The following CCDC171 variants were observed in gnomAD, a reference collection of about 807,000 sequenced individuals.
CCDC171 encodes the protein coiled-coil domain-containing protein 171.
Under a neutral mutation model 168.2 loss-of-function variants are expected in CCDC171, and 177 were observed. The ratio of observed to expected loss-of-function variants is 1.05; its 90% CI spans 0.93 to 1.19. CCDC171 has a LOEUF of 1.19. Ranked by LOEUF, CCDC171 falls within the 50% of genes most tolerant of loss-of-function variation. The pLI, the probability that CCDC171 is intolerant of heterozygous loss-of-function variation, is 0.00. For missense variants in CCDC171, 1,991 were observed against 1,539.0 expected (o/e 1.29, Z -4.91); for synonymous variants, 687 against 540.8 (o/e 1.27, Z -3.75).
intron 14 of CCDC171, among the ~76,000 whole-genome samples, chr9:15,727,344 G>A (rs573589370): frequency 6.6e-6 from 1 of 152,200 alleles, no homozygotes; most frequent in African/African-American, 2.4e-5. Context: ...TCTGGAGGAA[G>A]AAGAAAGCTG....
At chr9:15,734,321 G>C (rs1054993590) in intron 16 of CCDC171, among the ~76,000 whole-genome samples, 1 of 152,058 alleles carries the variant, frequency 6.6e-6, no homozygotes, top group Non-Finnish European at 1.5e-5. Flanking sequence ...GGATCACCTT[G>C]AGGTCAGAAG....
chr9:15,887,883 A>T (rs1401041089), intron 24 of CCDC171: 1 of 152,122 alleles, frequency 6.6e-6, no homozygotes, highest in African/African-American at 2.4e-5. Context: ...AACTCTTACA[A>T]CCTGCTTTCT....
chr9:15,590,836 CTTCT>C (rs1385192472), intron 4 of CCDC171, among the ~76,000 whole-genome samples: 4 of 32,564 alleles, frequency 1.2e-4, no homozygotes, highest in African/African-American at 3.0e-4. Context: ...TTTCTTTCTT[CTTCT>C]TTCTTTCTTT....
intron 7 of CCDC171, among the ~76,000 whole-genome samples, chr9:15,623,671 G>A (rs1304764539): frequency 6.6e-6 from 1 of 151,964 alleles, no homozygotes; most frequent in Non-Finnish European, 1.5e-5. Context: ...GTTCACTTTT[G>A]AACAATTAAC....
At chr9:16,076,607 A>T in the CCDC171 span, among the ~76,000 whole-genome samples, 1 of 152,146 alleles carries the variant, frequency 6.6e-6, no homozygotes, top group African/African-American at 2.4e-5. Flanking sequence ...CGCCCCACTC[A>T]GCCCTTCCCT....
chr9:15,767,068 C>T (rs1011833285), intron 18 of CCDC171, among the ~76,000 whole-genome samples: 10 of 152,092 alleles, frequency 6.6e-5, no homozygotes, highest in African/African-American at 1.9e-4. Context: ...AAATACATGA[C>T]GAAAGTTTTT....
At chr9:15,608,047 G>T (rs2043350471) in intron 6 of CCDC171, among the ~76,000 whole-genome samples, 1 of 152,196 alleles carries the variant, frequency 6.6e-6, no homozygotes, top group Non-Finnish European at 1.5e-5. Flanking sequence ...AGGCTGCACA[G>T]GGCATTGCAT....
chr9:15,647,102 C>G (rs942610559), intron 7 of CCDC171, among the ~76,000 whole-genome samples: 7 of 152,168 alleles, frequency 4.6e-5, no homozygotes, highest in African/African-American at 7.2e-5. Flanking sequence ...GAAACTCACT[C>G]AAAACCGCTC....
chr9:15,656,317 G>T (rs200735553), intron 7 of CCDC171, among the ~76,000 whole-genome samples: 1 of 145,042 alleles, frequency 6.9e-6, no homozygotes. Flanking sequence ...GCGAGACTCC[G>T]TCTCAAAAAA....
intron 21 of CCDC171, among the ~76,000 whole-genome samples, chr9:15,787,367 G>A (rs2058019374): frequency 6.6e-6 from 1 of 151,716 alleles, no homozygotes; most frequent in Non-Finnish European, 1.5e-5. Flanking sequence ...ATTAACATTT[G>A]CCCATCCCCA....
chr9:16,046,491 T>C (rs10738428), intron 1 of CCDC171, among the ~76,000 whole-genome samples: 62,355 of 152,078 alleles, frequency 0.41, 14,325 homozygotes, highest in East Asian at 0.74. Flanking sequence ...GGACATATTT[T>C]TCCCTCAACT....
intron 25 of CCDC171, among the ~76,000 whole-genome samples, chr9:15,957,678 AT>A (rs976691596): frequency 6.6e-6 from 1 of 152,216 alleles, no homozygotes; most frequent in African/African-American, 2.4e-5. Flanking sequence ...TTATAACAGA[AT>A]CTCTTTCTCA....
chr9:15,737,460 C>T (rs1341432069), intron 16 of CCDC171, among the ~76,000 whole-genome samples: 2 of 152,066 alleles, frequency 1.3e-5, no homozygotes, highest in African/African-American at 4.8e-5. Context: ...GATCTGAAAG[C>T]ACAGAAAGAA....
At chr9:16,055,311 G>A (rs1443312309) in intron 1 of CCDC171, among the ~76,000 whole-genome samples, 1 of 152,134 alleles carries the variant, frequency 6.6e-6, no homozygotes, top group Admixed American at 6.5e-5. Context: ...TTCAGAGAGA[G>A]TTCAGGAGGC....
chr9:15,864,055 A>G (rs1350974044), intron 23 of CCDC171, among the ~76,000 whole-genome samples: 2 of 152,054 alleles, frequency 1.3e-5, no homozygotes, highest in Non-Finnish European at 1.5e-5. Context: ...AGTTCCTTAA[A>G]TACTGAGATT....
At chr9:15,728,916 A>G (rs763738160) in intron 15 of CCDC171, among the ~76,000 whole-genome samples, 1 of 152,142 alleles carries the variant, frequency 6.6e-6, no homozygotes, top group Non-Finnish European at 1.5e-5. Flanking sequence ...GATATTTTTT[A>G]TTATTGAGCA....
intron 11 of CCDC171, among the ~76,000 whole-genome samples, chr9:15,714,500 A>G (rs991434841): frequency 4.6e-5 from 7 of 152,188 alleles, no homozygotes; most frequent in African/African-American, 1.7e-4. Flanking sequence ...TACCCTGACT[A>G]CAGAAACCAC....
At chr9:16,011,840 C>G (rs576111107) in intron 3 of CCDC171, among the ~76,000 whole-genome samples, 37 of 152,292 alleles carry the variant, frequency 2.4e-4, no homozygotes, top group Non-Finnish European at 3.8e-4. Flanking sequence ...TGTTTCCTTT[C>G]TCTGAGGGTT....
At chr9:15,678,025 T>G (rs1457050390) in intron 9 of CCDC171, among the ~76,000 whole-genome samples, 1 of 148,574 alleles carries the variant, frequency 6.7e-6, no homozygotes, top group Non-Finnish European at 1.5e-5. Context: ...TCCTCCTGCC[T>G]CAGCCTCCTG....
Sources: gnomAD v4.1 joint callset for allele counts (sites outside exome capture counted in the v4.1 genomes callset) on GRCh38, gnomAD v4.1.1 for gene constraint, MANE v1.5 for transcripts, NCBI Gene and HGNC (gene_info 2026-07-23, HGNC 2026-07-21) for gene names.